Variants in KRT80 observed in about 807,000 individuals in gnomAD.
KRT80 encodes the protein keratin, type II cytoskeletal 80.
KRT80 carries 36 observed loss-of-function variants against 51.5 expected under a neutral mutation model. The observed-to-expected ratio is 0.70, with a 90% CI of 0.54 to 0.92. The LOEUF (loss-of-function observed/expected upper bound fraction) is 0.92. Among genes scored for constraint, KRT80 ranks in the 40% least tolerant of loss-of-function variants. KRT80 has a pLI of 0.00. For missense variants in KRT80, 566 were observed against 591.7 expected (o/e 0.96, Z 0.45); for synonymous variants, 235 against 248.3 (o/e 0.95, Z 0.50).
chr12:52,188,651 A>G (rs1246990373), intron 1 of KRT80, among the ~76,000 whole-genome samples: 1 of 152,228 alleles, frequency 6.6e-6, no homozygotes, highest in Non-Finnish European at 1.5e-5. Context: ...GAGGTCACAC[A>G]GGCCTCGGTG....
At chr12:52,190,647 A>G (rs935301940) in intron 1 of KRT80, among the ~76,000 whole-genome samples, 1 of 152,186 alleles carries the variant, frequency 6.6e-6, no homozygotes, top group Non-Finnish European at 1.5e-5. Flanking sequence ...TGGACATAAA[A>G]TTGTCTTCTC....
intron 1 of KRT80, among the ~76,000 whole-genome samples, chr12:52,187,334 C>T (rs567942074): frequency 1.6e-4 from 25 of 152,348 alleles, no homozygotes; most frequent in African/African-American, 6.0e-4. Flanking sequence ...CTGAGCTGGG[C>T]CCTTCATTTG....
At position 52,191,645 on chromosome 12, in the gene KRT80, C is replaced by A; in HGVS notation, c.258G>T (p.Glu86Asp). Residue 86 changes from glutamate (E) to aspartate (D), a missense_variant, in exon 1 of 9, where the codon GAG becomes GAT. Transcript: ENST00000394815. ...CAAATTTATCATTGAGGGCCTTCAT[C>A]TCCTCCTTCTCCTGGTTCTTCAGCT... ...VQQLKNQEKE[E>D]MKALNDKFAS... 6.2e-7 allele frequency: 1 copy of A among 1,608,218 alleles called. No homozygotes were observed. Among genetic ancestry groups the A allele is most frequent in the Middle Eastern group, 1.7e-4 (1 of 6,036 alleles).
In KRT80 at chr12:52,180,771, G is replaced by A. The variant is rs561377511; in HGVS notation, c.570+132C>T. On this transcript the variant is annotated intron_variant, in intron 3 of 8. Transcript: ENST00000394815. ...TGGATGGGGATGGGGGTATCTCCCT[G>A]TCTGTCTGTTGGTCCTGGGACTTAA... is the stretch of plus-strand genomic sequence containing the variant. 24 of 1,585,718 alleles carry A rather than the reference G, an allele frequency of 1.5e-5. No individual in the cohort carries two copies. The East Asian group carries it at 5.1e-4, about 33-fold the overall frequency.
Position 52,169,213 on chromosome 12 carries a change from C to A in KRT80, c.*2185G>T, listed in dbSNP as rs1282279565. 2 of 152,168 alleles carry A rather than the reference C, an allele frequency of 1.3e-5. No homozygotes were observed. Among genetic ancestry groups the A allele is most frequent in the Admixed American group, 6.5e-5 (1 of 15,292 alleles). 9.4% of individuals were successfully genotyped at this position (152,168 alleles called of 1,614,324 possible). On this transcript the variant is annotated 3_prime_UTR_variant, in exon 9 of 9. Coordinates refer to ENST00000394815, the MANE Select transcript of KRT80 (RefSeq NM_182507.3). ...TATGTGAATTGAGTGAGAACTCACT[C>A]ATCACCAAGGAGATGGTGCTGAGCC...
intron 7 of KRT80, 34 bp downstream of exon 7, chr12:52,172,164 C>T: frequency 1.2e-6 from 2 of 1,608,498 alleles, no homozygotes; most frequent in Non-Finnish European, 8.5e-7. Flanking sequence ...CCCTCCTTCC[C>T]CTGCAGCCCT....
At chr12:52,184,793 G>C (rs1160343122) in intron 2 of KRT80, among the ~76,000 whole-genome samples, 1 of 152,184 alleles carries the variant, frequency 6.6e-6, no homozygotes, top group African/African-American at 2.4e-5. Flanking sequence ...AAGTTGTAAA[G>C]GCACCTTGCA....
At chr12:52,184,104 C>T (rs894975103) in intron 2 of KRT80, among the ~76,000 whole-genome samples, 3 of 152,230 alleles carry the variant, frequency 2.0e-5, no homozygotes, top group Non-Finnish European at 4.4e-5. Context: ...GCCCAGGTCT[C>T]TGGACTCCTG....
intron 4 of KRT80, among the ~76,000 whole-genome samples, chr12:52,174,777 G>A (rs1941191252): frequency 1.3e-5 from 2 of 152,236 alleles, no homozygotes; most frequent in African/African-American, 4.8e-5. Flanking sequence ...TCTGGCCCCA[G>A]ACCAGCTTTC....
At chr12:52,184,092 C>T (rs1451512410) in intron 2 of KRT80, among the ~76,000 whole-genome samples, 1 of 152,220 alleles carries the variant, frequency 6.6e-6, no homozygotes, top group African/African-American at 2.4e-5. Flanking sequence ...AACTCAGCTA[C>T]AGCCCAGGTC....
Position 52,191,859 on chromosome 12 carries a change from C to A in KRT80, c.44G>T (p.Ser15Ile). The change falls in exon 1 of 9, where the codon AGC (serine) becomes ATC (isoleucine). Residue 15 changes from serine to isoleucine, a missense_variant. Physicochemically the swap from Ser to Ile is moderately radical, Grantham distance 142 (BLOSUM62 -2). Coordinates refer to ENST00000394815, the MANE Select transcript of KRT80 (RefSeq NM_182507.3). Reference protein sequence around the residue: ...SCVVGFSSLSSCEVTPVGSPR... With the variant: ...SCVVGFSSLSICEVTPVGSPR... ...GCTGCCCACCGGGGTCACCTCACAG[C>A]TGCTGAGGCTGCTGAAGCCAACCAC... is the stretch of plus-strand genomic sequence containing the variant. 6.6e-7 allele frequency: 1 copy of A among 1,521,958 alleles called. No individual in the cohort carries two copies. Among genetic ancestry groups the A allele is most frequent in the Non-Finnish European group, 8.8e-7 (1 of 1,131,772 alleles). The allele number at this position is 1,521,958 out of a possible 1,614,324, so 94.3% of individuals were successfully genotyped here. A position where few individuals can be genotyped will look rare whatever the true frequency, so the allele number is the denominator to read the frequency against.
At chr12:52,183,744 T>C (rs1306137832) in intron 2 of KRT80, among the ~76,000 whole-genome samples, 1 of 152,240 alleles carries the variant, frequency 6.6e-6, no homozygotes, top group Non-Finnish European at 1.5e-5. Flanking sequence ...CTGGCGGAGC[T>C]CGTGGGAGCA....
chr12:52,173,070 G>A lies in KRT80; in HGVS notation c.925C>T (p.Leu309=), dbSNP rs1473686626. The A allele has an allele frequency of 3.1e-6, 5 of 1,612,818 alleles. No homozygotes were observed. Among genetic ancestry groups the A allele is most frequent in the Non-Finnish European group, 4.2e-6 (5 of 1,179,010 alleles). ...IADLNVRIQK[L]RSQILSVKSH... ...TTGACAGAGAGGATCTGGGACCGCA[G>A]CTTCTGGATGCGCACATTGAGATCC... The change falls in exon 6 of 9, where the codon CTG becomes TTG. Residue 309 remains leucine, a synonymous_variant. Coordinates refer to ENST00000394815, the MANE Select transcript of KRT80 (RefSeq NM_182507.3).
intron 1 of KRT80, among the ~76,000 whole-genome samples, chr12:52,188,177 T>G (rs1261890386): frequency 2.0e-5 from 3 of 152,158 alleles, no homozygotes; most frequent in Non-Finnish European, 4.4e-5. Flanking sequence ...ATAATCCTGG[T>G]GCCCTGAGAG....
In KRT80 at chr12:52,173,029, G is replaced by T; in HGVS notation, c.957+9C>A. 1 of 1,601,942 alleles carries T rather than the reference G, an allele frequency of 6.2e-7. No homozygotes were observed. The highest frequency in any genetic ancestry group is 8.5e-7 in the Non-Finnish European group (1 of 1,171,380). Reference sequence around the variant, plus strand: ...TCCCCGCCCCCAGGCGCGTCCCCCAGATACTCACATGGCTCTTGACAGAGA... The same window carrying T: ...TCCCCGCCCCCAGGCGCGTCCCCCATATACTCACATGGCTCTTGACAGAGA... On this transcript the variant is annotated intron_variant, in intron 6 of 8. Transcript: ENST00000394815.
chr12:52,179,572 A>G (rs909013104), intron 4 of KRT80, among the ~76,000 whole-genome samples: 1 of 152,188 alleles, frequency 6.6e-6, no homozygotes, highest in African/African-American at 2.4e-5. Flanking sequence ...GTGACCCATG[A>G]CAGGGCCATG....
intron 4 of KRT80, among the ~76,000 whole-genome samples, chr12:52,176,482 CT>C (rs11355892): frequency 0.24 from 33,975 of 140,260 alleles, 4,167 homozygotes; most frequent in Admixed American, 0.37. Flanking sequence ...TCTTCTTCTT[CT>C]TTTTTTTTTT....
chr12:52,183,979 T>C (rs543119963), intron 2 of KRT80, among the ~76,000 whole-genome samples: 2 of 152,288 alleles, frequency 1.3e-5, no homozygotes, highest in South Asian at 4.1e-4. Flanking sequence ...TGCCCGGTCA[T>C]GGTCAGGTAC....
At chr12:52,182,390 A>C (rs1941339043) in intron 2 of KRT80, among the ~76,000 whole-genome samples, 1 of 152,112 alleles carries the variant, frequency 6.6e-6, no homozygotes, top group East Asian at 1.9e-4. Flanking sequence ...GGGCTCCTGG[A>C]GTGTGCTGAT....
Sources: allele counts gnomAD v4.1 joint callset (sites outside exome capture counted in the v4.1 genomes callset), GRCh38; gene constraint gnomAD v4.1.1; transcripts MANE v1.5; gene names NCBI Gene and HGNC (gene_info 2026-07-23, HGNC 2026-07-21).